The following CDH13 variants were observed in gnomAD, a reference collection of about 807,000 sequenced individuals.
CDH13 encodes the protein cadherin-13.
In CDH13, 24 loss-of-function variants were observed where a neutral mutation model predicts 63.8. That is an observed-to-expected ratio of 0.38 (90% CI 0.27 to 0.53). CDH13 has a LOEUF of 0.53. CDH13 is among the 20% of genes least tolerant of loss of function. CDH13 has a pLI of 0.85. For synonymous variants in CDH13, 503 were observed against 355.3 expected (o/e 1.42, Z -4.67); for missense variants, 1,049 against 903.1 (o/e 1.16, Z -2.07).
intron 7 of CDH13, among the ~76,000 whole-genome samples, chr16:83,522,706 C>T (rs1598214254): frequency 6.6e-6 from 1 of 152,300 alleles, no homozygotes; most frequent in South Asian, 2.1e-4. Flanking sequence ...ATCCCTGGGC[C>T]CTGTCGGGGT....
intron 7 of CDH13, among the ~76,000 whole-genome samples, chr16:83,564,355 G>A (rs1432724775): frequency 6.6e-6 from 1 of 151,884 alleles, no homozygotes; most frequent in African/African-American, 2.4e-5. Context: ...GCAGTAAGGA[G>A]GGGAGGGGCT....
chr16:82,759,964 T>C (rs959934783), intron 1 of CDH13, among the ~76,000 whole-genome samples: 4 of 152,240 alleles, frequency 2.6e-5, no homozygotes, highest in Non-Finnish European at 4.4e-5. Flanking sequence ...CAACAATTTA[T>C]GTCTTCTCAA....
chr16:82,685,404 C>T (rs1914963960), intron 1 of CDH13, among the ~76,000 whole-genome samples: 1 of 152,180 alleles, frequency 6.6e-6, no homozygotes, highest in African/African-American at 2.4e-5. Context: ...ATGGCTCATC[C>T]TCATGACCTA....
At chr16:82,629,137 C>T (rs1907705770) in intron 1 of CDH13, among the ~76,000 whole-genome samples, 1 of 152,110 alleles carries the variant, frequency 6.6e-6, no homozygotes, top group African/African-American at 2.4e-5. Context: ...GTGACAGGGC[C>T]CCAGGATCGA....
intron 4 of CDH13, among the ~76,000 whole-genome samples, chr16:83,198,878 GT>G (rs1202505371): frequency 1.3e-5 from 2 of 152,056 alleles, no homozygotes; most frequent in South Asian, 2.1e-4. Context: ...AAATAATGGG[GT>G]TTTTTTTAAA....
chr16:83,583,548 C>A (rs1453121521), intron 7 of CDH13, among the ~76,000 whole-genome samples: 3 of 152,176 alleles, frequency 2.0e-5, no homozygotes, highest in Non-Finnish European at 4.4e-5. Context: ...GGGATTATCC[C>A]ATTTTATCCT....
At chr16:83,029,102 C>T (rs2151468079) in intron 2 of CDH13, among the ~76,000 whole-genome samples, 1 of 152,260 alleles carries the variant, frequency 6.6e-6, no homozygotes, top group East Asian at 1.9e-4. Context: ...GTGATGTGTG[C>T]AAAGTGTGTA....
At chr16:83,078,788 G>C (rs2033030657) in intron 3 of CDH13, among the ~76,000 whole-genome samples, 1 of 152,054 alleles carries the variant, frequency 6.6e-6, no homozygotes, top group Non-Finnish European at 1.5e-5. Flanking sequence ...TTGTTTGTTT[G>C]TTTTGGTTTT....
chr16:82,696,647 T>G (rs548785001), intron 1 of CDH13, among the ~76,000 whole-genome samples: 1 of 152,336 alleles, frequency 6.6e-6, no homozygotes, highest in East Asian at 1.9e-4. Context: ...ATCATTTCAT[T>G]TATGTCCCAT....
chr16:83,570,701 T>C (rs1904500532), intron 7 of CDH13, among the ~76,000 whole-genome samples: 1 of 145,792 alleles, frequency 6.9e-6, no homozygotes, highest in Non-Finnish European at 1.5e-5. Flanking sequence ...TTAAATTTAT[T>C]ATTTATATAT....
At chr16:83,597,262 C>T (rs1204485735) in intron 7 of CDH13, among the ~76,000 whole-genome samples, 1 of 152,056 alleles carries the variant, frequency 6.6e-6, no homozygotes, top group Non-Finnish European at 1.5e-5. Context: ...TTAGAAGCAA[C>T]CCAAATGTTC....
intron 4 of CDH13, among the ~76,000 whole-genome samples, chr16:83,194,596 G>A (rs2038820031): frequency 6.6e-6 from 1 of 152,174 alleles, no homozygotes; most frequent in African/African-American, 2.4e-5. Context: ...GATAAATTAG[G>A]CTGGTCAATT....
chr16:82,962,658 G>T (rs1187973900), intron 2 of CDH13, among the ~76,000 whole-genome samples: 3 of 152,150 alleles, frequency 2.0e-5, no homozygotes, highest in Non-Finnish European at 4.4e-5. Context: ...GGCCAGGGCA[G>T]GGAAGTCATG....
At chr16:83,111,271 A>G (rs1016712054) in intron 3 of CDH13, among the ~76,000 whole-genome samples, 2 of 152,190 alleles carry the variant, frequency 1.3e-5, no homozygotes, top group Non-Finnish European at 2.9e-5. Context: ...CCTAATTTCT[A>G]TTGATATAAT....
intron 6 of CDH13, among the ~76,000 whole-genome samples, chr16:83,431,971 A>G (rs1461120668): frequency 6.6e-6 from 1 of 152,176 alleles, no homozygotes; most frequent in Non-Finnish European, 1.5e-5. Context: ...AGAGGGATTC[A>G]TGTTTTAATG....
chr16:83,067,107 T>C (rs2032078467), intron 3 of CDH13, among the ~76,000 whole-genome samples: 1 of 152,192 alleles, frequency 6.6e-6, no homozygotes, highest in African/African-American at 2.4e-5. Context: ...AATTAGGTAG[T>C]AGAGTTTCAC....
rs541940328 is a variant in CDH13 at position 83,158,045 on chromosome 16, G to A, written c.483+32544G>A. ...CTCATTCCAGGTATCATGCACCTTT[G>A]ATTGTTTCACTTTCCTTGGGTCAAA... On this transcript the variant is annotated intron_variant, in intron 4 of 13. Coordinates refer to ENST00000567109, the MANE Select transcript of CDH13 (RefSeq NM_001257.5). 5.9e-5 allele frequency among the ~76,000 whole-genome samples: 9 copies of A among 152,192 alleles called. No homozygotes were observed. The East Asian group carries it at 1.2e-3, about 20-fold the overall frequency.
At chr16:83,660,709 G>T (rs528082065) in intron 8 of CDH13, among the ~76,000 whole-genome samples, 1 of 152,328 alleles carries the variant, frequency 6.6e-6, no homozygotes, top group South Asian at 2.1e-4. Flanking sequence ...CTATGTTATT[G>T]TTTCTTGAAA....
intron 11 of CDH13, among the ~76,000 whole-genome samples, chr16:83,750,944 C>A (rs1408250578): frequency 2.0e-5 from 3 of 150,574 alleles, no homozygotes; most frequent in Non-Finnish European, 4.4e-5. Flanking sequence ...GGAACAGTAC[C>A]TTGCTTGTAG....
Sources: gnomAD v4.1 joint callset for allele counts (sites outside exome capture counted in the v4.1 genomes callset) on GRCh38, gnomAD v4.1.1 for gene constraint, MANE v1.5 for transcripts, NCBI Gene and HGNC (gene_info 2026-07-23, HGNC 2026-07-21) for gene names.